The following TNC variants were observed in gnomAD, a reference collection of about 807,000 sequenced individuals.
TNC encodes the protein tenascin C.
A neutral mutation model predicts 202.4 loss-of-function variants in TNC; 109 were observed. That is an observed-to-expected ratio of 0.54 (90% CI 0.46 to 0.63). TNC has a LOEUF of 0.63. TNC is among the 30% of genes least tolerant of loss of function. The pLI is 0.00. For missense variants in TNC, 2,756 were observed against 2,833.3 expected (o/e 0.97, Z 0.62); for synonymous variants, 1,007 against 1,089.7 (o/e 0.92, Z 1.50).
At position 115,116,519 on chromosome 9, in the gene TNC, C is replaced by A. The variant is rs146299066; in HGVS notation, c.-137+1463G>T. Among the ~76,000 whole-genome samples, 241 of 152,210 alleles carry A rather than the reference C, an allele frequency of 1.6e-3. 2 individuals are homozygous for A. The highest frequency in any genetic ancestry group is 3.7e-3 in the African/African-American group (154 of 41,532). ...CCTGGCTGGGATGGATAGTAGTTTT[C>A]CTTTCTAAAACACATATGGGAAAGC... On this transcript the variant is annotated intron_variant, in intron 1 of 27. Coordinates refer to ENST00000350763, the MANE Select transcript of TNC (RefSeq NM_002160.4).
intron 1 of TNC, among the ~76,000 whole-genome samples, chr9:115,105,782 C>T (rs751485748): frequency 2.0e-5 from 3 of 152,172 alleles, no homozygotes; most frequent in Non-Finnish European, 4.4e-5. Flanking sequence ...TAATTAAACA[C>T]GTTTGGAAAA....
Position 115,059,025 on chromosome 9 carries a change from T to G in TNC, c.4306+705A>C, listed in dbSNP as rs548801473. Among the ~76,000 whole-genome samples the G allele has an allele frequency of 2.6e-5, 4 of 152,354 alleles. No individual in the cohort carries two copies. In the East Asian group the frequency reaches 7.7e-4, roughly 29 times the overall value. On this transcript the variant is annotated intron_variant, in intron 14 of 27. Coordinates refer to ENST00000350763, the MANE Select transcript of TNC (RefSeq NM_002160.4). ...AAGGGTATCAGTTCTTTGACATTCATAGCCCAGGACATTCCTTGTTCCAAA... is the reference window on the plus strand; with the variant it reads ...AAGGGTATCAGTTCTTTGACATTCAGAGCCCAGGACATTCCTTGTTCCAAA...
At position 115,030,345 on chromosome 9, in the gene TNC, G is replaced by T; in HGVS notation, c.5981C>A (p.Thr1994Asn). Reference protein sequence around the residue: ...CSQAMLNGDTTSGLYTIYLNG... With the variant: ...CSQAMLNGDTNSGLYTIYLNG... ...CAGATAAATGGTGTAGAGGCCAGAGGTCGTGTCTCCATTCAGCATTGCTTG... is the reference window on the plus strand; with the variant it reads ...CAGATAAATGGTGTAGAGGCCAGAGTTCGTGTCTCCATTCAGCATTGCTTG... Residue 1994 changes from threonine (T) to asparagine (N), a missense_variant, in exon 24 of 28, where the codon ACC becomes AAC. Around this residue, in one of 2 missense-constraint regions of TNC, gnomAD observed 197 missense variants for 287.3 expected, o/e 0.69. Transcript: ENST00000350763. The T allele has an allele frequency of 6.2e-7, 1 of 1,614,090 alleles. No individual in the cohort carries two copies. Among genetic ancestry groups the T allele is most frequent in the Non-Finnish European group, 8.5e-7 (1 of 1,179,968 alleles).
intron 13 of TNC, 101 bp from the exon 14 acceptor site, chr9:115,060,103 T>TA: frequency 2.3e-6 from 3 of 1,305,520 alleles, no homozygotes; most frequent in Non-Finnish European, 2.0e-6. Context: ...AGGGGAAAGA[T>TA]AATTTTTTTT....
At chr9:115,029,033 T>TG (rs1349597135) in intron 25 of TNC, among the ~76,000 whole-genome samples, 1 of 91,362 alleles carries the variant, frequency 1.1e-5, no homozygotes, top group Admixed American at 1.4e-4. Context: ...ATATTATCTC[T>TG]GGAAAAAAAA....
Position 115,026,539 on chromosome 9 carries a change from G to A in TNC, c.6326C>T (p.Thr2109Ile). 6.2e-7 allele frequency: 1 copy of A among 1,614,054 alleles called. No individual in the cohort carries two copies. The highest frequency in any genetic ancestry group is 8.5e-7 in the Non-Finnish European group (1 of 1,179,954). ...YKLKVEGYSG[T>I]AGDSMAYHNG... is the part of the protein sequence containing the mutation. Reference sequence around the variant, plus strand: ...ACGTGCAGCCACTACTGTACCTGCTGTCCCACTGTACCCCTCCACCTTCAG... The same window carrying A: ...ACGTGCAGCCACTACTGTACCTGCTATCCCACTGTACCCCTCCACCTTCAG... The change falls in exon 26 of 28, where the codon ACA (threonine) becomes ATA (isoleucine). Residue 2109 changes from threonine to isoleucine, a missense_variant. This residue lies in a region of TNC where 197 missense variants were observed against 287.3 expected (regional missense o/e 0.69). Transcript: ENST00000350763.
intron 27 of TNC, 120 bp from the exon 28 acceptor site, chr9:115,021,387 T>C: frequency 1.5e-6 from 1 of 680,044 alleles, no homozygotes; most frequent in Non-Finnish European, 2.5e-6. Context: ...GAGTTCTGTT[T>C]CAATTTGACC....
At chr9:115,034,701 G>A (rs1032513972) in intron 22 of TNC, among the ~76,000 whole-genome samples, 6 of 152,134 alleles carry the variant, frequency 3.9e-5, no homozygotes, top group East Asian at 1.9e-4. Context: ...AATCTCCTTC[G>A]CTTGTTTGAA....
In TNC at chr9:115,073,572, A is replaced by G. The variant is rs762541576; in HGVS notation, c.3214+31T>C. The G allele has an allele frequency of 5.6e-6, 9 of 1,598,882 alleles. No homozygotes were observed. In the Admixed American group the frequency reaches 1.5e-4, roughly 27 times the overall value. On this transcript the variant is annotated intron_variant, in intron 10 of 27. Transcript: ENST00000350763. ...GATCTGCTAACCTCAGAATCAACCT[A>G]GAGTTTGGAGGAAGCTCAGGGCAGA...
At chr9:115,077,777 A>G (rs560346159) in intron 7 of TNC, among the ~76,000 whole-genome samples, 166 bp downstream of exon 7, 1 of 152,288 alleles carries the variant, frequency 6.6e-6, no homozygotes, top group South Asian at 2.1e-4. Flanking sequence ...TTTTTTGAAA[A>G]ATTAATTAAT....
intron 15 of TNC, among the ~76,000 whole-genome samples, chr9:115,052,327 T>C (rs1831751491): frequency 6.6e-6 from 1 of 151,712 alleles, no homozygotes; most frequent in South Asian, 2.1e-4. Context: ...AAAGGGGAGA[T>C]GTTGGTCAAG....
At position 115,063,968 on chromosome 9, in the gene TNC, G is replaced by A. The variant is rs959255304; in HGVS notation, c.3588C>T (p.Phe1196=). 9 of 1,614,110 alleles carry A rather than the reference G, an allele frequency of 5.6e-6. No homozygotes were observed. The highest frequency in any genetic ancestry group is 7.6e-6 in the Non-Finnish European group (9 of 1,180,010). ...TAPEGAYEYF[F]IQVQEADTVE... is the part of the protein sequence containing the mutation. Reference sequence around the variant, plus strand: ...CTGTGTCAGCCTCCTGCACCTGAATGAAAAAGTACTCATAGGCCCCTTCTG... The same window carrying A: ...CTGTGTCAGCCTCCTGCACCTGAATAAAAAAGTACTCATAGGCCCCTTCTG... Residue 1196 remains phenylalanine, a synonymous_variant, in exon 12 of 28, where the codon TTC becomes TTT. Coordinates refer to ENST00000350763, the MANE Select transcript of TNC (RefSeq NM_002160.4).
intron 27 of TNC, among the ~76,000 whole-genome samples, chr9:115,022,552 T>C (rs923972674): frequency 6.6e-6 from 1 of 152,146 alleles, no homozygotes; most frequent in African/African-American, 2.4e-5. Flanking sequence ...GAGGCTTGCT[T>C]TCTAACATGT....
intron 2 of TNC, among the ~76,000 whole-genome samples, chr9:115,089,066 A>ACTGACTACT (rs1433437082): frequency 6.6e-6 from 1 of 152,192 alleles, no homozygotes; most frequent in African/African-American, 2.4e-5. Context: ...AATCATTTTA[A>ACTGACTACT]CTGACTACTT....
At chr9:115,049,607 A>G (rs1248631940) in intron 15 of TNC, among the ~76,000 whole-genome samples, 2 of 152,056 alleles carry the variant, frequency 1.3e-5, no homozygotes, top group African/African-American at 4.8e-5. Flanking sequence ...TTAGTGGAGA[A>G]GGTTCAGCGT....
intron 2 of TNC, among the ~76,000 whole-genome samples, chr9:115,089,747 G>A (rs1006208831): frequency 4.6e-5 from 7 of 152,150 alleles, no homozygotes; most frequent in African/African-American, 1.4e-4. Flanking sequence ...TGATCCGCCC[G>A]CCTTAGCCTC....
chr9:115,107,523 C>T (rs564657226), intron 1 of TNC, among the ~76,000 whole-genome samples: 11 of 152,240 alleles, frequency 7.2e-5, no homozygotes, highest in Admixed American at 5.9e-4. Context: ...ACACTAAATG[C>T]TTTTTATTCA....
chr9:115,038,244 C>T lies in TNC; in HGVS notation c.5512+17G>A. ...AGACACTCCTTAGAGTGAGGAGAGA[C>T]TTGGACAAAACCTTACCTTTCTCGC... On this transcript the variant is annotated intron_variant, in intron 20 of 27. Transcript: ENST00000350763. 6.2e-7 allele frequency: 1 copy of T among 1,612,296 alleles called. No individual in the cohort carries two copies. The highest frequency in any genetic ancestry group is 8.5e-7 in the Non-Finnish European group (1 of 1,178,708).
chr9:115,039,916 T>C (rs1439719153), intron 19 of TNC, among the ~76,000 whole-genome samples: 2 of 152,246 alleles, frequency 1.3e-5, no homozygotes, highest in African/African-American at 4.8e-5. Context: ...TGGGTTCAGA[T>C]GGGATATTTT....
Sources: allele counts gnomAD v4.1 joint callset (sites outside exome capture counted in the v4.1 genomes callset), GRCh38; gene constraint gnomAD v4.1.1; regional missense constraint gnomAD v4.1.1; transcripts MANE v1.5; gene names NCBI Gene and HGNC (gene_info 2026-07-23, HGNC 2026-07-21).